Variants in NRXN1 observed in about 807,000 individuals in gnomAD.
The protein encoded by NRXN1 is neurexin-1.
In NRXN1, 39 loss-of-function variants were observed where a neutral mutation model predicts 150.9. The observed-to-expected ratio is 0.26, with a 90% CI of 0.20 to 0.34. The LOEUF is 0.34. NRXN1 is among the 10% of genes least tolerant of loss of function. The pLI, the probability that NRXN1 is intolerant of heterozygous loss-of-function variation, is 1.00. For synonymous variants in NRXN1, 924 were observed against 757.0 expected, an observed-to-expected ratio of 1.22 and a Z score of -3.62; for missense variants, 1,815 against 1,949.9, an observed-to-expected ratio of 0.93 and a Z score of 1.30.
intron 21 of NRXN1, among the ~76,000 whole-genome samples, chr2:49,990,336 C>T (rs72887838): frequency 0.36 from 54,627 of 151,758 alleles, 10,556 homozygotes; most frequent in South Asian, 0.46. Flanking sequence ...AAGAGCACAG[C>T]GAGGAAAGAC....
chr2:50,304,077 C>T (rs746248602), intron 17 of NRXN1, among the ~76,000 whole-genome samples: 1 of 151,986 alleles, frequency 6.6e-6, no homozygotes, highest in Non-Finnish European at 1.5e-5. Flanking sequence ...AGATTACAGC[C>T]ATAGATCGAT....
At chr2:49,929,035 G>C (rs904480275) in intron 22 of NRXN1, among the ~76,000 whole-genome samples, 1 of 152,076 alleles carries the variant, frequency 6.6e-6, no homozygotes, top group Admixed American at 6.6e-5. Context: ...ATTTTCCTCT[G>C]CTTCTTTCAA....
chr2:50,960,566 T>C (rs920511701), intron 2 of NRXN1, among the ~76,000 whole-genome samples: 1 of 151,940 alleles, frequency 6.6e-6, no homozygotes, highest in Non-Finnish European at 1.5e-5. Context: ...ATCACCTACA[T>C]GGAGGAAGTA....
chr2:50,855,395 G>A (rs1255895664), intron 5 of NRXN1, among the ~76,000 whole-genome samples: 1 of 151,906 alleles, frequency 6.6e-6, no homozygotes, highest in Non-Finnish European at 1.5e-5. Flanking sequence ...GAATTCCACT[G>A]ACTTGTCCAG....
chr2:50,446,095 C>T (rs1462624345), intron 17 of NRXN1, among the ~76,000 whole-genome samples: 1 of 150,042 alleles, frequency 6.7e-6, no homozygotes, highest in African/African-American at 2.5e-5. Context: ...CTCACTAAAG[C>T]ACATAAGGTA....
intron 8 of NRXN1, among the ~76,000 whole-genome samples, chr2:50,569,508 TTATA>T (rs1670345441): frequency 1.3e-5 from 2 of 152,066 alleles, no homozygotes; most frequent in South Asian, 2.1e-4. Context: ...TCAAAATTTG[TTATA>T]TATATTATAT....
intron 18 of NRXN1, among the ~76,000 whole-genome samples, chr2:50,116,969 AGGGAGC>A (rs892434785): frequency 6.6e-6 from 1 of 152,146 alleles, no homozygotes; most frequent in African/African-American, 2.4e-5. Flanking sequence ...GGGGTGTTAC[AGGGAGC>A]TAACTTTTTT....
At chr2:50,008,309 T>C (rs1393145196) in intron 21 of NRXN1, among the ~76,000 whole-genome samples, 1 of 152,116 alleles carries the variant, frequency 6.6e-6, no homozygotes, top group Non-Finnish European at 1.5e-5. Flanking sequence ...GATCTAACTT[T>C]TGGTTCTTTT....
intron 21 of NRXN1, among the ~76,000 whole-genome samples, chr2:50,004,604 T>G (rs1385554002): frequency 6.6e-6 from 1 of 152,130 alleles, no homozygotes; most frequent in African/African-American, 2.4e-5. Context: ...TCTGAAAATT[T>G]GTAGAATTAT....
At chr2:50,335,287 T>TA (rs1284972089) in intron 17 of NRXN1, among the ~76,000 whole-genome samples, 1 of 152,220 alleles carries the variant, frequency 6.6e-6, no homozygotes, top group African/African-American at 2.4e-5. Context: ...GTGTTCTGTC[T>TA]AAATGCTAGA....
At chr2:50,950,964 A>C (rs891098619) in intron 2 of NRXN1, among the ~76,000 whole-genome samples, 5 of 152,224 alleles carry the variant, frequency 3.3e-5, no homozygotes, top group African/African-American at 1.2e-4. Context: ...TAATATAACA[A>C]GACATTTCTT....
intron 5 of NRXN1, among the ~76,000 whole-genome samples, chr2:50,738,823 A>C (rs1357793167): frequency 3.9e-5 from 6 of 152,210 alleles, no homozygotes; most frequent in Non-Finnish European, 8.8e-5. Flanking sequence ...GTTAAAAGGC[A>C]AGAACCTTGG....
intron 2 of NRXN1, among the ~76,000 whole-genome samples, chr2:50,941,089 T>A (rs373271779): frequency 6.6e-6 from 1 of 152,082 alleles, no homozygotes; most frequent in East Asian, 1.9e-4. Flanking sequence ...TGGATAAGTG[T>A]ATGGCTCTTC....
At chr2:50,321,432 T>C (rs754761917) in intron 17 of NRXN1, among the ~76,000 whole-genome samples, 4 of 152,146 alleles carry the variant, frequency 2.6e-5, no homozygotes, top group African/African-American at 4.8e-5. Context: ...GTGTCTAAGA[T>C]ATAGAAAGAT....
intron 18 of NRXN1, among the ~76,000 whole-genome samples, chr2:50,186,141 A>G (rs1335470857): frequency 6.6e-6 from 1 of 152,126 alleles, no homozygotes; most frequent in Non-Finnish European, 1.5e-5. Flanking sequence ...GGCCACTTCA[A>G]TGAACAGAAC....
At chr2:50,377,917 C>T (rs1391878379) in intron 17 of NRXN1, among the ~76,000 whole-genome samples, 4 of 152,054 alleles carry the variant, frequency 2.6e-5, no homozygotes, top group Non-Finnish European at 4.4e-5. Context: ...ATAGTTGCTC[C>T]ATAGGAGAAA....
intron 8 of NRXN1, among the ~76,000 whole-genome samples, chr2:50,617,176 C>T (rs970970885): frequency 2.6e-5 from 4 of 151,864 alleles, no homozygotes; most frequent in Admixed American, 6.6e-5. Flanking sequence ...GCATGAACCA[C>T]GACACCCAGC....
chr2:49,969,662 T>C (rs532773337), intron 21 of NRXN1: 1 of 152,208 alleles, frequency 6.6e-6, no homozygotes, highest in South Asian at 2.1e-4. Flanking sequence ...TTGTCTTTGA[T>C]ATACTCTCCC....
chr2:50,010,541 A>G (rs1685484358), intron 21 of NRXN1, among the ~76,000 whole-genome samples: 2 of 152,108 alleles, frequency 1.3e-5, no homozygotes, highest in African/African-American at 4.8e-5. Flanking sequence ...TCTTCTGACC[A>G]ATGAGCTGAT....
Sources: allele counts gnomAD v4.1 joint callset (sites outside exome capture counted in the v4.1 genomes callset), GRCh38; gene constraint gnomAD v4.1.1; transcripts MANE v1.5; gene names NCBI Gene and HGNC (gene_info 2026-07-23, HGNC 2026-07-21).